The following MYOZ2 variants were observed in gnomAD, a reference collection of about 807,000 sequenced individuals.
The protein encoded by MYOZ2 is myozenin 2, also known as myozenin-2.
In MYOZ2, 19 loss-of-function variants were observed where a neutral mutation model predicts 25.4. That is an observed-to-expected ratio of 0.75 (90% CI 0.52 to 1.10). The LOEUF (loss-of-function observed/expected upper bound fraction) is 1.10. Ranked by LOEUF, MYOZ2 falls within the 50% of genes least tolerant of loss-of-function variation. MYOZ2 has a pLI of 0.00. For missense variants in MYOZ2, 270 were observed against 317.9 expected (o/e 0.85, Z 1.15); for synonymous variants, 92 against 106.9 (o/e 0.86, Z 0.86).
intron 5 of MYOZ2, among the ~76,000 whole-genome samples, chr4:119,180,473 G>A (rs1004825784): frequency 7.2e-5 from 11 of 151,936 alleles, no homozygotes; most frequent in Admixed American, 3.3e-4. Flanking sequence ...ACTGCTATTC[G>A]CCTTTCTGTC....
chr4:119,180,011 T>C (rs1742155787), intron 5 of MYOZ2, among the ~76,000 whole-genome samples: 1 of 152,176 alleles, frequency 6.6e-6, no homozygotes, highest in African/African-American at 2.4e-5. Flanking sequence ...CATAGCAAAA[T>C]CTGAAACAGT....
intron 2 of MYOZ2, among the ~76,000 whole-genome samples, chr4:119,148,632 T>G (rs1741365481): frequency 6.6e-6 from 1 of 152,062 alleles, no homozygotes; most frequent in South Asian, 2.1e-4. Context: ...ATTTTACTAT[T>G]GAGCCCATTC....
rs1358697793 is a variant in MYOZ2 at position 119,136,494 on chromosome 4, T to A, written c.-14-18T>A. On this transcript the variant is annotated intron_variant, in intron 1 of 5. Transcript: ENST00000307128. ...AGTTCTTCACATTGCCTCAATAATGTCCCTTTGTTTTTAACAGGGAACAAA... is the reference window on the plus strand; with the variant it reads ...AGTTCTTCACATTGCCTCAATAATGACCCTTTGTTTTTAACAGGGAACAAA... 2 of 1,597,486 alleles carry A rather than the reference T, an allele frequency of 1.3e-6. No homozygotes were observed. Among genetic ancestry groups the A allele is most frequent in the African/African-American group, 2.7e-5 (2 of 74,424 alleles).
intron 2 of MYOZ2, among the ~76,000 whole-genome samples, chr4:119,147,569 C>T (rs1202291945): frequency 2.6e-5 from 4 of 151,804 alleles, no homozygotes; most frequent in Admixed American, 6.6e-5. Context: ...GGAGAAACCC[C>T]GTCCCTACTA....
chr4:119,153,468 C>A (rs1036928601), intron 3 of MYOZ2, among the ~76,000 whole-genome samples: 1 of 151,996 alleles, frequency 6.6e-6, no homozygotes, highest in Non-Finnish European at 1.5e-5. Context: ...GATAAGAGAG[C>A]TTTTATTTAC....
chr4:119,179,485 T>C (rs1742144255), intron 5 of MYOZ2, among the ~76,000 whole-genome samples: 1 of 152,158 alleles, frequency 6.6e-6, no homozygotes, highest in Non-Finnish European at 1.5e-5. Flanking sequence ...CTCCTTTATT[T>C]TTCTTCATAG....
At chr4:119,174,652 A>G (rs1742016972) in intron 5 of MYOZ2, among the ~76,000 whole-genome samples, 1 of 152,076 alleles carries the variant, frequency 6.6e-6, no homozygotes, top group Admixed American at 6.5e-5. Context: ...GCGCCCTGTC[A>G]AAATAGACCA....
chr4:119,149,732 C>T (rs1741404122), intron 2 of MYOZ2, among the ~76,000 whole-genome samples: 1 of 152,000 alleles, frequency 6.6e-6, no homozygotes, highest in African/African-American at 2.4e-5. Context: ...AATAGCTTTA[C>T]AGGAAAAAAC....
intron 2 of MYOZ2, among the ~76,000 whole-genome samples, chr4:119,139,500 T>A (rs141109404): frequency 5.1e-4 from 77 of 152,306 alleles, no homozygotes; most frequent in African/African-American, 1.8e-3. Context: ...TTTTCCAGTA[T>A]TAATCATATT....
chr4:119,164,088 T>A (rs551037065), intron 4 of MYOZ2, 123 bp from the exon 5 acceptor site: 2 of 914,680 alleles, frequency 2.2e-6, no homozygotes, highest in South Asian at 2.9e-5. Flanking sequence ...TAAGGGATCA[T>A]GAAAAGGATG....
intron 2 of MYOZ2, among the ~76,000 whole-genome samples, chr4:119,146,518 A>G (rs944929748): frequency 5.9e-5 from 9 of 151,864 alleles, no homozygotes; most frequent in African/African-American, 1.2e-4. Context: ...TTAGTTTCCA[A>G]GTGTTTGGAG....
chr4:119,144,315 A>G (rs1741238122), intron 2 of MYOZ2, among the ~76,000 whole-genome samples: 1 of 152,170 alleles, frequency 6.6e-6, no homozygotes, highest in Non-Finnish European at 1.5e-5. Context: ...TTGTTGCTGA[A>G]TACCATGCTG....
intron 2 of MYOZ2, among the ~76,000 whole-genome samples, chr4:119,148,053 T>C (rs768160185): frequency 6.6e-6 from 1 of 152,158 alleles, no homozygotes; most frequent in African/African-American, 2.4e-5. Flanking sequence ...ATTCTCTTAG[T>C]TTTCCTTCAT....
chr4:119,150,455 A>T (rs1011369083), intron 2 of MYOZ2, among the ~76,000 whole-genome samples: 1 of 150,416 alleles, frequency 6.6e-6, no homozygotes, highest in Non-Finnish European at 1.5e-5. Flanking sequence ...GTGGAGTGGG[A>T]GGGTAGGCAT....
intron 5 of MYOZ2, among the ~76,000 whole-genome samples, chr4:119,182,972 TTTAA>T (rs1466313266): frequency 2.0e-5 from 3 of 152,170 alleles, no homozygotes; most frequent in African/African-American, 7.2e-5. Context: ...ATATTTATGT[TTTAA>T]TTAATTCTTT....
At chr4:119,180,035 T>C (rs191619740) in intron 5 of MYOZ2, among the ~76,000 whole-genome samples, 3 of 152,332 alleles carry the variant, frequency 2.0e-5, no homozygotes, top group Admixed American at 2.0e-4. Context: ...TGGCACATAG[T>C]AGGCACACAT....
chr4:119,155,802 T>G (rs1741559393), intron 3 of MYOZ2, among the ~76,000 whole-genome samples: 1 of 151,962 alleles, frequency 6.6e-6, no homozygotes, highest in East Asian at 1.9e-4. Context: ...TGGTGGAAAA[T>G]GAACAGAAGA....
intron 2 of MYOZ2, among the ~76,000 whole-genome samples, chr4:119,147,771 C>A (rs557996444): frequency 1.4e-5 from 2 of 144,824 alleles, no homozygotes; most frequent in Admixed American, 1.4e-4. Context: ...ACTTTGATGT[C>A]TTTTTATCCT....
intron 2 of MYOZ2, among the ~76,000 whole-genome samples, chr4:119,149,614 C>T (rs933493601): frequency 6.6e-6 from 1 of 152,138 alleles, no homozygotes; most frequent in African/African-American, 2.4e-5. Flanking sequence ...TATTAATCAC[C>T]ATGTTGTTCC....
Sources: allele counts gnomAD v4.1 joint callset (sites outside exome capture counted in the v4.1 genomes callset), GRCh38; gene constraint gnomAD v4.1.1; transcripts MANE v1.5; gene names NCBI Gene and HGNC (gene_info 2026-07-23, HGNC 2026-07-21).